The following HECTD4 variants were observed in gnomAD, a reference collection of about 807,000 sequenced individuals.
HECTD4 encodes the protein HECT domain E3 ubiquitin protein ligase 4.
In HECTD4, 114 loss-of-function variants were observed where a neutral mutation model predicts 471.5. That is an observed-to-expected ratio of 0.24 (90% CI 0.21 to 0.28). HECTD4 has a LOEUF of 0.28. Ranked by LOEUF, HECTD4 falls within the 10% of genes least tolerant of loss-of-function variation. The pLI, the probability that HECTD4 is intolerant of heterozygous loss-of-function variation, is 1.00. For synonymous variants in HECTD4, 2,012 were observed against 2,256.0 expected, an observed-to-expected ratio of 0.89 and a Z score of 3.07; for missense variants, 3,866 against 5,651.5, an observed-to-expected ratio of 0.68 and a Z score of 10.13.
At position 112,226,623 on chromosome 12, in the gene HECTD4, A is replaced by G; in HGVS notation, c.6970+20T>C. 6.6e-7 allele frequency: 1 copy of G among 1,505,938 alleles called. No individual in the cohort carries two copies. Among genetic ancestry groups the G allele is most frequent in the Non-Finnish European group, 9.2e-7 (1 of 1,091,782 alleles). 93.3% of individuals were successfully genotyped at this position (1,505,938 alleles called of 1,614,324 possible). A position where few individuals can be genotyped will look rare whatever the true frequency, so the allele number is the denominator to read the frequency against. ...GAAAATTCAATAAAACAGGGTGGTA[A>G]GGCAAGTTCAGGTACTCACCAGCAC... On this transcript the variant is annotated intron_variant, in intron 44 of 75. Coordinates refer to ENST00000682272, the MANE Select transcript of HECTD4 (RefSeq NM_001388303.1).
chr12:112,167,967 C>T (rs375546287), intron 70 of HECTD4, 50 bp from the exon 71 acceptor site: 83 of 1,377,126 alleles, frequency 6.0e-5, no homozygotes, highest in Middle Eastern at 4.2e-4. Flanking sequence ...CGGCGGGAGG[C>T]GACACCGTTC....
chr12:112,336,522 C>CAA (rs759716495), intron 1 of HECTD4, among the ~76,000 whole-genome samples: 4 of 126,176 alleles, frequency 3.2e-5, no homozygotes, highest in South Asian at 2.5e-4. Context: ...GACTCCGTCT[C>CAA]AAAAAAAAAA....
chr12:112,208,449 A>G, intron 51 of HECTD4, 45 bp downstream of exon 51: 1 of 1,501,136 alleles, frequency 6.7e-7, no homozygotes, highest in South Asian at 1.4e-5. Flanking sequence ...CTAGGGAGCT[A>G]AGCAAATGCT....
chr12:112,250,941 A>G (rs1420149491), intron 24 of HECTD4, 30 bp downstream of exon 24: 2 of 1,582,344 alleles, frequency 1.3e-6, no homozygotes, highest in South Asian at 2.3e-5. Flanking sequence ...TTTGCAGGCA[A>G]CACTAGCTCA....
chr12:112,222,292 G>A (rs1300334314), intron 44 of HECTD4, among the ~76,000 whole-genome samples: 2 of 151,934 alleles, frequency 1.3e-5, no homozygotes, highest in Non-Finnish European at 2.9e-5. Context: ...CCTGACCTCA[G>A]GTAATCCACC....
intron 8 of HECTD4, among the ~76,000 whole-genome samples, chr12:112,282,149 C>T (rs1436909570): frequency 6.6e-6 from 1 of 151,918 alleles, no homozygotes; most frequent in Non-Finnish European, 1.5e-5. Flanking sequence ...TTTGGGAGGC[C>T]AAGGTGGGCG....
At position 112,246,888 on chromosome 12, in the gene HECTD4, C is replaced by G. The variant is rs1310688088; in HGVS notation, c.4513+13G>C. ...ATAACAGAAGCCGATTAGGGGCTAT[C>G]TTTGAGCAGTACCTGGTGTTTCAGC... On this transcript the variant is annotated intron_variant, in intron 29 of 75. Transcript: ENST00000682272. 6.2e-7 allele frequency: 1 copy of G among 1,607,604 alleles called. No homozygotes were observed. The highest frequency in any genetic ancestry group is 1.3e-5 in the African/African-American group (1 of 74,624).
intron 7 of HECTD4, among the ~76,000 whole-genome samples, chr12:112,305,411 T>C (rs576650411): frequency 6.6e-6 from 1 of 152,280 alleles, no homozygotes. Context: ...TGGTATCCTC[T>C]TTCTGGAATG....
At position 112,265,894 on chromosome 12, in the gene HECTD4, C is replaced by T; in HGVS notation, c.2482G>A (p.Glu828Lys). 1 of 1,613,670 alleles carries T rather than the reference C, an allele frequency of 6.2e-7. No homozygotes were observed. Among genetic ancestry groups the T allele is most frequent in the Non-Finnish European group, 8.5e-7 (1 of 1,179,596 alleles). Residue 828 changes from glutamate to lysine, a missense_variant, in exon 15 of 76, where the codon GAG (glutamate) becomes AAG (lysine). Physicochemically the swap from Glu to Lys is moderately conservative, Grantham distance 56. This residue lies in a region of HECTD4 where 525 missense variants were observed against 672.6 expected (regional missense o/e 0.78). Transcript: ENST00000682272. ...TGGTGTCACCTGTAATGATCATCCT[C>T]ATCACTGCCAAATCGGTTGTTTTGG... ...QLQNNRFGSDEDDHYRLNDEL... is the reference protein window; with the variant it reads ...QLQNNRFGSDKDDHYRLNDEL...
chr12:112,209,953 A>G (rs1376361576), intron 50 of HECTD4, 62 bp downstream of exon 50: 5 of 1,355,980 alleles, frequency 3.7e-6, no homozygotes, highest in Non-Finnish European at 5.2e-6. Flanking sequence ...GGGTTTATGG[A>G]ATTCATAACA....
chr12:112,279,210 C>T lies in HECTD4; in HGVS notation c.1687+18G>A, dbSNP rs377214797. Reference sequence around the variant, plus strand: ...TTGAGATAAATCGAGGAAAGTGCCACAAGTAAAATTCACTTACTTTTTAAA... The same window carrying T: ...TTGAGATAAATCGAGGAAAGTGCCATAAGTAAAATTCACTTACTTTTTAAA... On this transcript the variant is annotated intron_variant, in intron 9 of 75. Transcript: ENST00000682272. 9.4e-6 allele frequency: 15 copies of T among 1,593,942 alleles called. No individual in the cohort carries two copies. The highest frequency in any genetic ancestry group is 1.4e-5 in the African/African-American group (1 of 73,972).
rs753308977 is a variant in HECTD4 at position 112,235,160 on chromosome 12, A to G, written c.5832T>C (p.Ser1944=). 1 of 1,613,626 alleles carries G rather than the reference A, an allele frequency of 6.2e-7. No homozygotes were observed. Among genetic ancestry groups the G allele is most frequent in the East Asian group, 2.2e-5 (1 of 44,878 alleles). Residue 1944 remains serine, a synonymous_variant, in exon 37 of 76, where the codon AGT becomes AGC. Coordinates refer to ENST00000682272, the MANE Select transcript of HECTD4 (RefSeq NM_001388303.1). The surrounding 1 kb of genome is among the most constrained non-coding windows in gnomAD (Gnocchi z 5.0). ...TCGAGAGCTTGCCATCCACAGCCTC[A>G]CTCTCTTCTCCAGGATCTTTATCTC... ...LKGDKDPGEE[S]EAVDGKLSIF... is the part of the protein sequence containing the mutation.
intron 68 of HECTD4, chr12:112,170,728 C>T (rs2031181813): frequency 4.1e-6 from 2 of 490,960 alleles, no homozygotes; most frequent in Admixed American, 3.4e-5. Flanking sequence ...TAAAAAAAGA[C>T]AAAAAGCTGT....
At position 112,171,208 on chromosome 12, in the gene HECTD4, G is replaced by A. The variant is rs1360790206; in HGVS notation, c.11841C>T (p.Thr3947=). 1.9e-6 allele frequency: 3 copies of A among 1,612,906 alleles called. No individual in the cohort carries two copies. The highest frequency in any genetic ancestry group is 2.5e-6 in the Non-Finnish European group (3 of 1,179,526). Residue 3947 remains threonine (T), a synonymous_variant, in exon 68 of 76, where the codon ACC becomes ACT. Transcript: ENST00000682272. ...LRFALLQSLN[T]TLETFFLPLV... is the part of the protein sequence containing the mutation. ...GGGGCAGGAAGAAGGTCTCCAGTGT[G>A]GTGTTGAGGGACTGCAGCAAGGCGA...
rs746652642 is a variant in HECTD4, at chr12:112,172,857, C to T, written c.11599G>A (p.Ala3867Thr). Reference sequence around the variant, plus strand: ...TGTGCATGTCGGACATCGATGCATGCGCACCTTGGGGTGGGGACAGGGGGA... The same window carrying T: ...TGTGCATGTCGGACATCGATGCATGTGCACCTTGGGGTGGGGACAGGGGGA... ...CGYDLHFERC[A>T]CIDVRHAQKA... Residue 3867 changes from alanine (A) to threonine (T), a missense_variant, in exon 67 of 76, where the codon GCA (alanine) becomes ACA (threonine). Coordinates refer to ENST00000682272, the MANE Select transcript of HECTD4 (RefSeq NM_001388303.1). 50 of 1,613,672 alleles carry T rather than the reference C, an allele frequency of 3.1e-5. No individual in the cohort carries two copies. Among genetic ancestry groups the T allele is most frequent in the Middle Eastern group, 3.3e-4 (2 of 6,080 alleles).
chr12:112,313,354 A>C (rs1295410410), intron 3 of HECTD4, among the ~76,000 whole-genome samples: 7 of 151,566 alleles, frequency 4.6e-5, no homozygotes, highest in Non-Finnish European at 8.8e-5. Flanking sequence ...TCGCTCTGTC[A>C]CCCAGGCTGG....
chr12:112,163,765 G>C lies in HECTD4; in HGVS notation c.12702-28C>G. On this transcript the variant is annotated intron_variant, in intron 73 of 75. Coordinates refer to ENST00000682272, the MANE Select transcript of HECTD4 (RefSeq NM_001388303.1). The surrounding 1 kb of genome is among the most constrained non-coding windows in gnomAD (Gnocchi z 8.2). ...GCCCGGGTGAGGAGCACAGGTGAGG[G>C]AGAACACCGCCGAAGAGGCTGGGTC... 1 of 1,429,752 alleles carries C rather than the reference G, an allele frequency of 7.0e-7. No homozygotes were observed. Among genetic ancestry groups the C allele is most frequent in the Non-Finnish European group, 9.2e-7 (1 of 1,086,714 alleles). 88.6% of individuals were successfully genotyped at this position (1,429,752 alleles called of 1,614,324 possible). A position where few individuals can be genotyped will look rare whatever the true frequency, so the allele number is the denominator to read the frequency against.
At chr12:112,327,753 C>T (rs2035774270) in intron 1 of HECTD4, among the ~76,000 whole-genome samples, 1 of 152,236 alleles carries the variant, frequency 6.6e-6, no homozygotes, top group Admixed American at 6.5e-5. Flanking sequence ...ACAGGAAATG[C>T]TTTCCTTACA....
chr12:112,255,304 G>A (rs1593980869), intron 21 of HECTD4, among the ~76,000 whole-genome samples: 1 of 152,186 alleles, frequency 6.6e-6, no homozygotes, highest in African/African-American at 2.4e-5. Context: ...GATGCTAGGA[G>A]AGATATGTTT....
Sources: gnomAD v4.1 joint callset for allele counts (sites outside exome capture counted in the v4.1 genomes callset) on GRCh38, gnomAD v4.1.1 for gene constraint, gnomAD v4.1.1 regional missense constraint, Gnocchi (gnomAD v3.1) non-coding constraint, MANE v1.5 for transcripts, NCBI Gene and HGNC (gene_info 2026-07-23, HGNC 2026-07-21) for gene names.